TEX11: variants seen among roughly 807,000 people sequenced by gnomAD.
TEX11 encodes the protein testis-expressed protein 11.
Under a neutral mutation model 84.4 loss-of-function variants are expected in TEX11, and 7 were observed. The observed-to-expected ratio is 0.08, with a 90% CI of 0.05 to 0.16. TEX11 has a LOEUF of 0.16. Ranked by LOEUF, TEX11 falls within the 10% of genes least tolerant of loss-of-function variation. The pLI is 1.00. For missense variants in TEX11, 551 were observed against 660.5 expected, an observed-to-expected ratio of 0.83 and a Z score of 1.82; for synonymous variants, 264 against 222.8, an observed-to-expected ratio of 1.18 and a Z score of -1.64.
chrX:70,749,700 C>T (rs5936977), intron 9 of TEX11, among the ~76,000 whole-genome samples: 38,182 of 99,024 alleles, frequency 0.39, 6,853 homozygotes, highest in East Asian at 0.57. Context: ...TTGTCTTTGG[C>T]TCTGTTTATA....
chrX:70,608,925 A>G (rs2089228025), intron 22 of TEX11, among the ~76,000 whole-genome samples, 166 bp downstream of exon 22: 1 of 111,229 alleles, frequency 9.0e-6, no homozygotes, highest in South Asian at 3.8e-4. Context: ...ACCCTTAATA[A>G]CTGCATGAAG....
At chrX:70,627,830 C>T in intron 18 of TEX11, among the ~76,000 whole-genome samples, 1 of 111,545 alleles carries the variant, frequency 9.0e-6, no homozygotes, top group Non-Finnish European at 1.9e-5. Context: ...ACATAAATTA[C>T]CATCAATATT....
intron 9 of TEX11, among the ~76,000 whole-genome samples, chrX:70,752,325 G>A (rs1435453719): frequency 9.1e-6 from 1 of 109,573 alleles, no homozygotes; most frequent in African/African-American, 3.3e-5. Flanking sequence ...AGGAGTTGGA[G>A]ACCAGCTTGG....
chrX:70,763,452 T>C (rs1416748409), intron 9 of TEX11, among the ~76,000 whole-genome samples: 1 of 110,475 alleles, frequency 9.1e-6, no homozygotes, highest in Non-Finnish European at 1.9e-5. Context: ...TGGAGGAAGA[T>C]GGAAGGGGGC....
In TEX11 at chrX:70,557,480, A is replaced by AG. The variant is rs943326142; in HGVS notation, c.2141-2681_2141-2680insC. Among the ~76,000 whole-genome samples the AG allele has an allele frequency of 1.7e-4, 19 of 108,936 alleles. No homozygotes were observed. The East Asian group carries it at 2.6e-3, about 15-fold the overall frequency. 94.6% of individuals were successfully genotyped at this position (108,936 alleles called of 115,157 possible). On this transcript the variant is annotated intron_variant, in intron 25 of 29. Coordinates refer to ENST00000374333, the MANE Select transcript of TEX11 (RefSeq NM_031276.3). Reference sequence around the variant, plus strand: ...GTGAGACTCTGTCTCAAAAAAAAAAAAAGAAAAAGAAAGAATTAGTGTGTA... The same window carrying AG: ...GTGAGACTCTGTCTCAAAAAAAAAAAGAAGAAAAAGAAAGAATTAGTGTGTA...
intron 2 of TEX11, among the ~76,000 whole-genome samples, chrX:70,900,395 A>AAGAAGAAG (rs1556245994): frequency 6.7e-5 from 4 of 60,074 alleles, no homozygotes; most frequent in East Asian, 5.5e-4. Context: ...AAAAAAAAAA[A>AAGAAGAAG]AAGAAGAAGA....
rs1225225666 is a variant in TEX11 at position 70,759,202 on chromosome X, G to A, written c.693-14983C>T. ...TCTATCAGAGGTACAAAGAGGAGCTGGTACCATTCCCTCTGAAACTATTCC... is the reference window on the plus strand; with the variant it reads ...TCTATCAGAGGTACAAAGAGGAGCTAGTACCATTCCCTCTGAAACTATTCC... On this transcript the variant is annotated intron_variant, in intron 9 of 29. Coordinates refer to ENST00000374333, the MANE Select transcript of TEX11 (RefSeq NM_031276.3). 5.4e-5 allele frequency among the ~76,000 whole-genome samples: 6 copies of A among 111,635 alleles called. No individual in the cohort carries two copies. In the East Asian group the frequency reaches 1.7e-3, roughly 31 times the overall value.
intron 9 of TEX11, among the ~76,000 whole-genome samples, chrX:70,771,525 C>A (rs112854544): frequency 0.011 from 1,231 of 110,627 alleles, 22 homozygotes; most frequent in African/African-American, 0.038. Flanking sequence ...TTTTTAAATG[C>A]AATCTATTTT....
intron 25 of TEX11, among the ~76,000 whole-genome samples, chrX:70,571,065 C>G (rs1021666353): frequency 9.0e-6 from 1 of 111,586 alleles, no homozygotes; most frequent in African/African-American, 3.3e-5. Context: ...GTCGCCCAGG[C>G]TGGATTGTAG....
At chrX:70,617,285 C>T (rs887666665) in intron 20 of TEX11, among the ~76,000 whole-genome samples, 1 of 107,067 alleles carries the variant, frequency 9.3e-6, no homozygotes, top group African/African-American at 3.4e-5. Context: ...TGATATAGGT[C>T]AGAAACTCAG....
intron 20 of TEX11, among the ~76,000 whole-genome samples, chrX:70,611,233 G>A (rs1014211329): frequency 8.0e-5 from 9 of 112,068 alleles, no homozygotes; most frequent in African/African-American, 2.9e-4. Context: ...CAAGTAAAAC[G>A]CTGAACACAC....
chrX:70,719,772 CTCA>C (rs1345598098), intron 13 of TEX11, among the ~76,000 whole-genome samples: 1 of 112,015 alleles, frequency 8.9e-6, no homozygotes, highest in Non-Finnish European at 1.9e-5. Context: ...TGAAAAAATG[CTCA>C]TCATCACTGG....
At chrX:70,860,808 G>T in intron 5 of TEX11, 49 bp downstream of exon 5, 1 of 926,039 alleles carries the variant, frequency 1.1e-6, no homozygotes, top group Non-Finnish European at 1.6e-6. Flanking sequence ...TTTCATAGAA[G>T]TAACAACCAT....
intron 17 of TEX11, among the ~76,000 whole-genome samples, chrX:70,633,058 C>A (rs750787509): frequency 7.2e-4 from 80 of 111,820 alleles, no homozygotes; most frequent in Non-Finnish European, 1.0e-3. Context: ...ATATACTTCC[C>A]AATTCACCCT....
At chrX:70,525,311 T>A (rs1331288703), downstream of TEX11, among the ~76,000 whole-genome samples, 1 of 111,587 alleles carries the variant, frequency 9.0e-6, no homozygotes, top group Non-Finnish European at 1.9e-5. Flanking sequence ...GCAGGCCAGG[T>A]ACAGTGGCTC....
intron 24 of TEX11, among the ~76,000 whole-genome samples, chrX:70,595,125 G>A (rs1281082491): frequency 2.7e-5 from 3 of 111,002 alleles, no homozygotes; most frequent in Non-Finnish European, 3.8e-5. Context: ...CTTGTTGCCC[G>A]GGCTGGAGTG....
At chrX:70,831,214 A>G (rs1027255141) in intron 8 of TEX11, among the ~76,000 whole-genome samples, 1 of 112,212 alleles carries the variant, frequency 8.9e-6, no homozygotes, top group Non-Finnish European at 1.9e-5. Flanking sequence ...AGCCGCAGAA[A>G]GACAAATACT....
intron 20 of TEX11, among the ~76,000 whole-genome samples, chrX:70,617,143 A>G (rs2089327011): frequency 9.1e-6 from 1 of 110,161 alleles, no homozygotes; most frequent in Non-Finnish European, 1.9e-5. Context: ...TACATCTACT[A>G]TGTACCCAGA....
intron 9 of TEX11, among the ~76,000 whole-genome samples, chrX:70,777,509 C>T (rs891777379): frequency 2.7e-5 from 3 of 110,950 alleles, no homozygotes; most frequent in African/African-American, 6.5e-5. Context: ...ATTAGCTGGG[C>T]GTGGTGGCGC....
Sources: gnomAD v4.1 joint callset for allele counts (sites outside exome capture counted in the v4.1 genomes callset) on GRCh38, gnomAD v4.1.1 for gene constraint, MANE v1.5 for transcripts, NCBI Gene and HGNC (gene_info 2026-07-23, HGNC 2026-07-21) for gene names.